The following TSHZ2 variants were observed in gnomAD, a reference collection of about 807,000 sequenced individuals.
The protein encoded by TSHZ2 is teashirt zinc finger homeobox 2, also known as teashirt homolog 2.
Under a neutral mutation model 74.4 loss-of-function variants are expected in TSHZ2, and 21 were observed. The ratio of observed to expected loss-of-function variants is 0.28; its 90% CI spans 0.20 to 0.41. The LOEUF is 0.41. Among genes scored for constraint, TSHZ2 ranks in the 10% least tolerant of loss-of-function variants. TSHZ2 has a pLI of 1.00. For missense variants in TSHZ2, 1,244 were observed against 1,293.5 expected (o/e 0.96, Z 0.59); for synonymous variants, 540 against 515.3 (o/e 1.05, Z -0.65).
At chr20:53,258,999 T>C (rs1329068089) in intron 2 of TSHZ2, among the ~76,000 whole-genome samples, 1 of 152,168 alleles carries the variant, frequency 6.6e-6, no homozygotes, top group Non-Finnish European at 1.5e-5. Flanking sequence ...GTTTCCCCCA[T>C]CTGTACAAAG....
intron 2 of TSHZ2, among the ~76,000 whole-genome samples, chr20:53,284,025 G>A (rs747539137): frequency 2.6e-5 from 4 of 152,222 alleles, no homozygotes; most frequent in Non-Finnish European, 4.4e-5. Flanking sequence ...AAGTAAAAAC[G>A]GGTACAGTAA....
intron 2 of TSHZ2, among the ~76,000 whole-genome samples, chr20:53,303,672 G>C (rs556294481): frequency 1.3e-5 from 2 of 152,192 alleles, no homozygotes; most frequent in African/African-American, 4.8e-5. Flanking sequence ...TAAGAACTTA[G>C]ATGCTAGAAT....
intron 1 of TSHZ2, among the ~76,000 whole-genome samples, chr20:53,040,835 C>A (rs1030988873): frequency 6.6e-6 from 1 of 152,136 alleles, no homozygotes; most frequent in Non-Finnish European, 1.5e-5. Context: ...TTAGGCGCAG[C>A]ATTTGCTCCC....
chr20:52,989,164 C>CAAAAA (rs3995491), intron 1 of TSHZ2, among the ~76,000 whole-genome samples: 1 of 126,172 alleles, frequency 7.9e-6, no homozygotes, highest in African/African-American at 2.8e-5. Context: ...CTCTGTCTGG[C>CAAAAA]AAAAAAAAAA....
chr20:53,040,413 T>C (rs1205583108), intron 1 of TSHZ2, among the ~76,000 whole-genome samples: 2 of 152,088 alleles, frequency 1.3e-5, no homozygotes, highest in African/African-American at 4.8e-5. Flanking sequence ...GTGCTAAATA[T>C]CTCAGCCTTT....
At chr20:53,230,047 G>A (rs957791848) in intron 1 of TSHZ2, among the ~76,000 whole-genome samples, 3 of 146,176 alleles carry the variant, frequency 2.1e-5, no homozygotes, top group African/African-American at 7.6e-5. Context: ...AAAGAAGGAA[G>A]GGAGGGAGGG....
At chr20:53,277,616 T>TGGCAAAC (rs1990973541) in intron 2 of TSHZ2, among the ~76,000 whole-genome samples, 1 of 152,152 alleles carries the variant, frequency 6.6e-6, no homozygotes, top group South Asian at 2.1e-4. Flanking sequence ...CTCAGGCAAA[T>TGGCAAAC]GGCAAACGTG....
chr20:53,289,427 C>G (rs1991239032), intron 2 of TSHZ2, among the ~76,000 whole-genome samples: 1 of 152,192 alleles, frequency 6.6e-6, no homozygotes, highest in Admixed American at 6.5e-5. Context: ...TTTACATTCC[C>G]ACCAGCAGTG....
intron 1 of TSHZ2, among the ~76,000 whole-genome samples, chr20:53,183,315 A>C (rs773257928): frequency 3.3e-5 from 5 of 152,156 alleles, no homozygotes; most frequent in Admixed American, 1.3e-4. Flanking sequence ...GAAAAAGCAC[A>C]AGGGTGTGGA....
intron 1 of TSHZ2, among the ~76,000 whole-genome samples, chr20:53,223,564 A>T (rs971723180): frequency 6.6e-6 from 1 of 151,988 alleles, no homozygotes; most frequent in African/African-American, 2.4e-5. Context: ...GCTATTTTTT[A>T]AAATTTCTTT....
intron 1 of TSHZ2, among the ~76,000 whole-genome samples, chr20:53,019,569 C>T (rs1983161611): frequency 2.6e-5 from 4 of 152,082 alleles, no homozygotes; most frequent in Admixed American, 6.6e-5. Context: ...TGATATTGAC[C>T]CCCATAGGTG....
At chr20:53,002,412 A>G (rs1240400784) in intron 1 of TSHZ2, among the ~76,000 whole-genome samples, 2 of 152,150 alleles carry the variant, frequency 1.3e-5, no homozygotes, top group Non-Finnish European at 2.9e-5. Context: ...ACTGTCATAC[A>G]TTATCTTTTT....
At chr20:53,109,340 ATCTG>A (rs1344151594) in intron 1 of TSHZ2, among the ~76,000 whole-genome samples, 1 of 152,100 alleles carries the variant, frequency 6.6e-6, no homozygotes, top group Non-Finnish European at 1.5e-5. Flanking sequence ...ATCACCTATC[ATCTG>A]TCTGTCGGTC....
chr20:53,068,385 C>A (rs185756169), intron 1 of TSHZ2, among the ~76,000 whole-genome samples: 26 of 152,222 alleles, frequency 1.7e-4, no homozygotes, highest in Admixed American at 1.7e-3. Context: ...CTCCACTGGA[C>A]TTCTCTGTTT....
chr20:53,026,771 CTTAG>C (rs1233140928), intron 1 of TSHZ2, among the ~76,000 whole-genome samples: 1 of 152,046 alleles, frequency 6.6e-6, no homozygotes, highest in Non-Finnish European at 1.5e-5. Flanking sequence ...AATATCCTTC[CTTAG>C]TTAATGATAT....
At chr20:53,269,960 A>G (rs1568845153) in intron 2 of TSHZ2, among the ~76,000 whole-genome samples, 1 of 152,162 alleles carries the variant, frequency 6.6e-6, no homozygotes, top group Non-Finnish European at 1.5e-5. Context: ...ATATATTCTC[A>G]TATCATCTCT....
intron 1 of TSHZ2, among the ~76,000 whole-genome samples, chr20:53,186,196 A>G (rs776264110): frequency 2.0e-5 from 3 of 152,100 alleles, no homozygotes; most frequent in Non-Finnish European, 4.4e-5. Context: ...CTCTCTTTCC[A>G]TCTCCTTCAG....
In TSHZ2 at chr20:53,340,184, C is replaced by CTTTTTTTTTTTTTTTTTTTTTTTTTT. The variant is rs557613827; in HGVS notation, c.*8+83629_*8+83630insTTTTTTTTTTTTTTTTTTTTTTTTTT. Among the ~76,000 whole-genome samples, 16 of 109,872 alleles carry CTTTTTTTTTTTTTTTTTTTTTTTTTT rather than the reference C, an allele frequency of 1.5e-4. 2 individuals carry two copies. Among genetic ancestry groups the CTTTTTTTTTTTTTTTTTTTTTTTTTT allele is most frequent in the Admixed American group, 6.6e-4 (6 of 9,042 alleles). 72.1% of individuals were successfully genotyped at this position (109,872 alleles called of 152,430 possible). On this transcript the variant is annotated intron_variant, in intron 2 of 2. Transcript: ENST00000371497. The stretch of plus-strand genomic sequence containing the variant: ...ACAAGGTGACTTTTCTTTCTTTTTT[C>CTTTTTTTTTTTTTTTTTTTTTTTTTT]TTTTTTTTTTTTTTTTGAGATGGAG...
chr20:53,379,156 T>TA (rs1670944429), intron 2 of TSHZ2, among the ~76,000 whole-genome samples: 1 of 152,072 alleles, frequency 6.6e-6, no homozygotes, highest in Non-Finnish European at 1.5e-5. Flanking sequence ...CCGAGGTGGG[T>TA]GAATGGCTTG....
Sources: allele counts gnomAD v4.1 joint callset (sites outside exome capture counted in the v4.1 genomes callset), GRCh38; gene constraint gnomAD v4.1.1; transcripts MANE v1.5; gene names NCBI Gene and HGNC (gene_info 2026-07-23, HGNC 2026-07-21).